MARCHF1: variants seen among roughly 807,000 people sequenced by gnomAD.
MARCHF1 encodes E3 ubiquitin-protein ligase MARCHF1.
Under a neutral mutation model 54.2 loss-of-function variants are expected in MARCHF1, and 40 were observed. The observed-to-expected ratio is 0.74, with a 90% confidence interval of 0.57 to 0.96. The LOEUF (loss-of-function observed/expected upper bound fraction) is 0.96. Among genes scored for constraint, MARCHF1 ranks in the 40% least tolerant of loss-of-function variants. The pLI, the probability that MARCHF1 is intolerant of heterozygous loss-of-function variation, is 0.00. For missense variants in MARCHF1, 586 were observed against 656.5 expected, an observed-to-expected ratio of 0.89 and a Z score of 1.17; for synonymous variants, 236 against 236.3, an observed-to-expected ratio of 1.00 and a Z score of 0.01.
At chr4:164,217,052 A>G (rs567837050) in intron 1 of MARCHF1, among the ~76,000 whole-genome samples, 1 of 152,260 alleles carries the variant, frequency 6.6e-6, no homozygotes, top group Admixed American at 6.5e-5. Flanking sequence ...AAAATTTAAA[A>G]ACCTATAGAG....
intron 8 of MARCHF1, among the ~76,000 whole-genome samples, chr4:163,563,268 G>GATTCTC (rs1739532121): frequency 6.6e-6 from 1 of 152,094 alleles, no homozygotes; most frequent in Non-Finnish European, 1.5e-5. Flanking sequence ...TTCTGTGGTG[G>GATTCTC]ACATCCTATT....
chr4:163,916,898 T>G (rs919798713), intron 3 of MARCHF1, among the ~76,000 whole-genome samples: 2 of 152,142 alleles, frequency 1.3e-5, no homozygotes, highest in Non-Finnish European at 2.9e-5. Context: ...ACTCTTGGTG[T>G]TGTGTCCTCT....
chr4:163,786,328 T>C (rs1406911727), intron 4 of MARCHF1, among the ~76,000 whole-genome samples: 1 of 152,024 alleles, frequency 6.6e-6, no homozygotes, highest in African/African-American at 2.4e-5. Context: ...CAATTGGATT[T>C]GGCATCAATC....
chr4:164,063,074 C>A (rs1028175086), intron 2 of MARCHF1, among the ~76,000 whole-genome samples: 2 of 152,194 alleles, frequency 1.3e-5, no homozygotes, highest in African/African-American at 4.8e-5. Flanking sequence ...AGGCTGCAAA[C>A]AGATGTGCCG....
At chr4:163,699,352 C>T (rs1014995426) in intron 5 of MARCHF1, among the ~76,000 whole-genome samples, 2 of 152,206 alleles carry the variant, frequency 1.3e-5, no homozygotes, top group Non-Finnish European at 2.9e-5. Context: ...GGCATGCTTA[C>T]TCTTATTAAA....
chr4:164,354,275 T>C lies in MARCHF1; in HGVS notation c.-323+29595A>G, dbSNP rs55983366. ...CTAACTCATTTTATGAGGCCAGCAT[T>C]ATTCTGATACCAAAGCCGGGCAGAG... On this transcript the variant is annotated intron_variant, in intron 1 of 9. Coordinates refer to ENST00000514618, the MANE Select transcript of MARCHF1 (RefSeq NM_001394959.1). Among the ~76,000 whole-genome samples the C allele has an allele frequency of 6.6e-4, 81 of 123,348 alleles. 1 individual carries two copies. Among genetic ancestry groups the C allele is most frequent in the African/African-American group, 1.4e-3 (47 of 33,654 alleles). 80.9% of individuals were successfully genotyped at this position (123,348 alleles called of 152,430 possible).
At chr4:163,618,558 C>T (rs1157744348) in intron 5 of MARCHF1, among the ~76,000 whole-genome samples, 1 of 152,070 alleles carries the variant, frequency 6.6e-6, no homozygotes, top group East Asian at 1.9e-4. Context: ...GTATTGCTGT[C>T]CTTTATGGGA....
At chr4:163,804,449 A>G (rs1402631808) in intron 4 of MARCHF1, among the ~76,000 whole-genome samples, 1 of 152,178 alleles carries the variant, frequency 6.6e-6, no homozygotes, top group Non-Finnish European at 1.5e-5. Flanking sequence ...CTTTTTAACA[A>G]GCTCACTGGG....
chr4:163,884,697 T>C (rs767902030), intron 3 of MARCHF1, among the ~76,000 whole-genome samples: 6 of 152,186 alleles, frequency 3.9e-5, no homozygotes, highest in Non-Finnish European at 7.3e-5. Context: ...AGATCTCTTT[T>C]ATCTTCAGTC....
intron 2 of MARCHF1, among the ~76,000 whole-genome samples, chr4:164,052,471 G>T (rs1307758710): frequency 6.6e-6 from 1 of 152,098 alleles, no homozygotes; most frequent in Non-Finnish European, 1.5e-5. Flanking sequence ...GGTGGAGGTT[G>T]CAGTGAGCCA....
At chr4:163,875,289 C>T (rs1435771044) in intron 3 of MARCHF1, among the ~76,000 whole-genome samples, 2 of 152,030 alleles carry the variant, frequency 1.3e-5, no homozygotes, top group African/African-American at 4.8e-5. Flanking sequence ...GCAAGTGATT[C>T]CCTGGGAGGT....
intron 1 of MARCHF1, among the ~76,000 whole-genome samples, chr4:164,150,998 A>G (rs891168484): frequency 6.6e-6 from 1 of 152,164 alleles, no homozygotes. Flanking sequence ...TCGACTGGCC[A>G]TTGCTGGCTT....
chr4:164,010,062 CTT>C (rs35143590), intron 2 of MARCHF1, among the ~76,000 whole-genome samples: 53,848 of 98,784 alleles, frequency 0.55, 13,694 homozygotes, highest in Middle Eastern at 0.65. Flanking sequence ...TCAAAAAACT[CTT>C]TTTTTTTTTT....
intron 1 of MARCHF1, among the ~76,000 whole-genome samples, chr4:164,169,652 T>C (rs1262055623): frequency 6.6e-6 from 1 of 152,132 alleles, no homozygotes; most frequent in Non-Finnish European, 1.5e-5. Flanking sequence ...ATTAAATAGT[T>C]ACAGAAGCAG....
chr4:164,275,251 C>A (rs941580648), intron 1 of MARCHF1, among the ~76,000 whole-genome samples: 1 of 151,986 alleles, frequency 6.6e-6, no homozygotes, highest in African/African-American at 2.4e-5. Flanking sequence ...AAATTATATA[C>A]GAGGAATTGA....
chr4:164,344,574 T>C (rs1388073984), intron 1 of MARCHF1, among the ~76,000 whole-genome samples: 3 of 152,124 alleles, frequency 2.0e-5, no homozygotes, highest in African/African-American at 7.2e-5. Context: ...ATTTTCTGTG[T>C]CAACACTCTG....
At chr4:164,045,802 C>T (rs573529691) in intron 2 of MARCHF1, among the ~76,000 whole-genome samples, 1 of 151,314 alleles carries the variant, frequency 6.6e-6, no homozygotes, top group South Asian at 2.1e-4. Flanking sequence ...TCTCAAGATA[C>T]TTTTAACTAT....
At chr4:163,771,413 A>G (rs1045605601) in intron 4 of MARCHF1, among the ~76,000 whole-genome samples, 3 of 152,220 alleles carry the variant, frequency 2.0e-5, no homozygotes, top group Non-Finnish European at 4.4e-5. Flanking sequence ...TGGGTAGCTC[A>G]TAACAACAGG....
intron 5 of MARCHF1, among the ~76,000 whole-genome samples, chr4:163,691,120 G>A (rs77285971): frequency 0.03 from 4,529 of 152,234 alleles, 79 homozygotes; most frequent in East Asian, 0.078. Context: ...TTTTCCCAGG[G>A]TGCCTTTTCC....
Sources: allele counts gnomAD v4.1 joint callset (sites outside exome capture counted in the v4.1 genomes callset), GRCh38; gene constraint gnomAD v4.1.1; transcripts MANE v1.5; gene names NCBI Gene and HGNC (gene_info 2026-07-23, HGNC 2026-07-21).